The following FGF14 variants were observed in gnomAD, a reference collection of about 807,000 sequenced individuals.
The protein encoded by FGF14 is fibroblast growth factor 14, also known as fibroblast growth factor homologous factor 4.
FGF14 carries 5 observed loss-of-function variants against 25.5 expected under a neutral mutation model. That is an observed-to-expected ratio of 0.20 (90% CI 0.10 to 0.41). The LOEUF is 0.41. Among genes scored for constraint, FGF14 ranks in the 10% least tolerant of loss-of-function variants. The probability of loss-of-function intolerance (pLI) is 1.00; values close to 1 mark genes in which losing one functional copy is unlikely to be tolerated. For missense variants in FGF14, 222 were observed against 320.1 expected (o/e 0.69, Z 2.34); for synonymous variants, 138 against 118.3 (o/e 1.17, Z -1.08).
At chr13:102,384,313 G>A (rs750819920) in intron 1 of FGF14, among the ~76,000 whole-genome samples, 12 of 151,994 alleles carry the variant, frequency 7.9e-5, no homozygotes, top group Non-Finnish European at 1.8e-4. Flanking sequence ...GGTATATTTG[G>A]GAGGTACAAA....
chr13:102,129,321 T>C (rs2140402639), intron 1 of FGF14, among the ~76,000 whole-genome samples: 1 of 152,278 alleles, frequency 6.6e-6, no homozygotes, highest in East Asian at 1.9e-4. Flanking sequence ...CATGTTGAAC[T>C]GATTACTGAG....
At chr13:101,808,260 T>A (rs1409650349) in intron 3 of FGF14, among the ~76,000 whole-genome samples, 4 of 152,108 alleles carry the variant, frequency 2.6e-5, no homozygotes, top group Non-Finnish European at 5.9e-5. Flanking sequence ...AATATCCTTC[T>A]GAGAGATAGC....
chr13:101,805,733 C>T (rs2140156527), intron 3 of FGF14, among the ~76,000 whole-genome samples: 1 of 152,184 alleles, frequency 6.6e-6, no homozygotes, highest in South Asian at 2.1e-4. Context: ...ATTCTGACCA[C>T]CCCCCTTCCC....
chr13:101,750,577 T>C (rs2037204996), intron 3 of FGF14, among the ~76,000 whole-genome samples: 1 of 152,128 alleles, frequency 6.6e-6, no homozygotes, highest in Admixed American at 6.6e-5. Flanking sequence ...GGAGTGACTG[T>C]TATGTGATGT....
chr13:102,244,949 T>A (rs1250246930), intron 1 of FGF14, among the ~76,000 whole-genome samples: 1 of 152,100 alleles, frequency 6.6e-6, no homozygotes, highest in Non-Finnish European at 1.5e-5. Context: ...AGAAAAAACA[T>A]CAATTTATTC....
chr13:102,092,764 T>C (rs2044223279), intron 1 of FGF14, among the ~76,000 whole-genome samples: 2 of 152,040 alleles, frequency 1.3e-5, no homozygotes, highest in Admixed American at 6.5e-5. Flanking sequence ...ATACACAGGG[T>C]GAACACAATT....
chr13:102,326,662 AGGGAG>A (rs1280328938), intron 1 of FGF14, among the ~76,000 whole-genome samples: 20 of 78,520 alleles, frequency 2.5e-4, no homozygotes, highest in East Asian at 2.1e-3. Flanking sequence ...AGGGAGGGGA[AGGGAG>A]GGGAAGGGAA....
intron 1 of FGF14, among the ~76,000 whole-genome samples, chr13:102,211,215 G>C (rs560207536): frequency 3.3e-5 from 5 of 152,040 alleles, no homozygotes; most frequent in African/African-American, 1.2e-4. Context: ...CAGGAAGGAA[G>C]AGTTAATTAA....
At chr13:101,731,916 G>A (rs1033968808) in intron 3 of FGF14, among the ~76,000 whole-genome samples, 3 of 152,142 alleles carry the variant, frequency 2.0e-5, no homozygotes, top group Non-Finnish European at 4.4e-5. Flanking sequence ...GATCTTTATG[G>A]CTCACAAAAC....
intron 1 of FGF14, among the ~76,000 whole-genome samples, chr13:102,333,812 G>A (rs890656351): frequency 6.6e-5 from 10 of 152,302 alleles, no homozygotes; most frequent in Middle Eastern, 6.8e-3. Flanking sequence ...AATCACCAGC[G>A]TGTAAAGGGC....
intron 1 of FGF14, among the ~76,000 whole-genome samples, chr13:102,246,672 G>T (rs774022039): frequency 1.3e-5 from 2 of 151,890 alleles, no homozygotes; most frequent in Admixed American, 6.6e-5. Context: ...GCAATTTATA[G>T]ATTCAATGCT....
intron 1 of FGF14, among the ~76,000 whole-genome samples, chr13:101,968,010 G>A (rs571983694): frequency 6.6e-6 from 1 of 152,302 alleles, no homozygotes; most frequent in East Asian, 1.9e-4. Flanking sequence ...TGGTCATGCT[G>A]TAAATTTGTA....
At chr13:102,018,712 C>A (rs1595008561) in intron 1 of FGF14, among the ~76,000 whole-genome samples, 1 of 152,092 alleles carries the variant, frequency 6.6e-6, no homozygotes, top group East Asian at 1.9e-4. Flanking sequence ...GAGGCCTCTT[C>A]ATCCAGCTCC....
intron 1 of FGF14, among the ~76,000 whole-genome samples, chr13:102,133,986 A>G (rs2046307339): frequency 6.6e-6 from 1 of 152,220 alleles, no homozygotes; most frequent in Non-Finnish European, 1.5e-5. Flanking sequence ...ACACCAACAA[A>G]CAAAAGCAAT....
chr13:101,753,284 GACACAC>G (rs1201326845), intron 3 of FGF14, among the ~76,000 whole-genome samples: 150 of 116,240 alleles, frequency 1.3e-3, no homozygotes, highest in African/African-American at 4.6e-3. Flanking sequence ...CACACACACA[GACACAC>G]ACAGACAGAC....
At chr13:101,963,508 C>T (rs575550850) in intron 1 of FGF14, among the ~76,000 whole-genome samples, 18 of 152,276 alleles carry the variant, frequency 1.2e-4, no homozygotes, top group Admixed American at 6.5e-4. Flanking sequence ...TTAACTGTGC[C>T]CCACTCTGCC....
At chr13:101,957,074 C>T (rs1283146574) in intron 1 of FGF14, among the ~76,000 whole-genome samples, 1 of 151,994 alleles carries the variant, frequency 6.6e-6, no homozygotes, top group African/African-American at 2.4e-5. Flanking sequence ...AGATGCTTTC[C>T]AGGATATAAA....
At chr13:101,811,346 T>A (rs1482627391) in intron 3 of FGF14, among the ~76,000 whole-genome samples, 1 of 152,210 alleles carries the variant, frequency 6.6e-6, no homozygotes, top group East Asian at 1.9e-4. Context: ...CAGAATGTCA[T>A]ATAGTGAAAT....
At chr13:101,789,216 C>A (rs545333955) in intron 3 of FGF14, among the ~76,000 whole-genome samples, 2 of 151,940 alleles carry the variant, frequency 1.3e-5, no homozygotes, top group Non-Finnish European at 2.9e-5. Context: ...ATGGAGCTCT[C>A]TTTCTTAAGA....
Sources: allele counts gnomAD v4.1 joint callset (sites outside exome capture counted in the v4.1 genomes callset), GRCh38; gene constraint gnomAD v4.1.1; transcripts MANE v1.5; gene names NCBI Gene and HGNC (gene_info 2026-07-23, HGNC 2026-07-21).